The following SYT6 variants were observed in gnomAD, a reference collection of about 807,000 sequenced individuals.
SYT6 encodes the protein synaptotagmin 6, also known as synaptotagmin-6.
SYT6 carries 24 observed loss-of-function variants against 38.4 expected under a neutral mutation model. The observed-to-expected ratio is 0.62, with a 90% CI of 0.45 to 0.88. SYT6 has a LOEUF of 0.88. Among genes scored for constraint, SYT6 ranks in the 40% least tolerant of loss-of-function variants. The pLI, the probability that SYT6 is intolerant of heterozygous loss-of-function variation, is 0.00. For synonymous variants in SYT6, 265 were observed against 241.9 expected (o/e 1.10, Z -0.89); for missense variants, 611 against 621.0 (o/e 0.98, Z 0.17).
At chr1:114,102,470 C>T (rs945608919) in intron 4 of SYT6, among the ~76,000 whole-genome samples, 1 of 152,188 alleles carries the variant, frequency 6.6e-6, no homozygotes, top group Non-Finnish European at 1.5e-5. Context: ...TACACCTGAG[C>T]CCAGGTGTTT....
At chr1:114,152,757 G>C (rs1040911858) in intron 1 of SYT6, 7 of 152,144 alleles carry the variant, frequency 4.6e-5, no homozygotes, top group African/African-American at 9.7e-5. Flanking sequence ...GATCGGGCTC[G>C]GGACTCACCC....
intron 3 of SYT6, among the ~76,000 whole-genome samples, chr1:114,119,643 A>G (rs1571857258): frequency 6.6e-6 from 1 of 152,230 alleles, no homozygotes; most frequent in Non-Finnish European, 1.5e-5. Flanking sequence ...CCCAGGGTCT[A>G]CCTCAGCCAC....
intron 4 of SYT6, among the ~76,000 whole-genome samples, chr1:114,099,758 G>C (rs934923036): frequency 6.6e-6 from 1 of 152,186 alleles, no homozygotes; most frequent in African/African-American, 2.4e-5. Flanking sequence ...AATGGCCAGG[G>C]AGACACAATG....
chr1:114,115,118 C>T (rs1676918025), intron 3 of SYT6, among the ~76,000 whole-genome samples: 1 of 152,194 alleles, frequency 6.6e-6, no homozygotes, highest in Non-Finnish European at 1.5e-5. Context: ...GTGTTCCTGA[C>T]CAATAAGATC....
rs1675298893 is a variant in SYT6 at position 114,091,498 on chromosome 1, G to A, written c.*636C>T. On this transcript the variant is annotated 3_prime_UTR_variant, in exon 8 of 8. Transcript: ENST00000610222. ...GACTGAGGGTCCCAGCGTGGTTTAT[G>A]TCCTGCCAGCGAAGAGCTTCAAAGA... The A allele has an allele frequency of 6.6e-6, 1 of 152,476 alleles. No individual in the cohort carries two copies. Among genetic ancestry groups the A allele is most frequent in the African/African-American group, 2.4e-5 (1 of 41,448 alleles). 9.4% of individuals were successfully genotyped at this position (152,476 alleles called of 1,614,324 possible).
intron 3 of SYT6, among the ~76,000 whole-genome samples, chr1:114,106,977 A>T (rs1676362150): frequency 6.6e-6 from 1 of 152,176 alleles, no homozygotes; most frequent in South Asian, 2.1e-4. Context: ...ACATTTTAGT[A>T]AAAGAACTCT....
chr1:114,140,616 G>T (rs1412289239), intron 1 of SYT6, among the ~76,000 whole-genome samples: 1 of 152,152 alleles, frequency 6.6e-6, no homozygotes, highest in Non-Finnish European at 1.5e-5. Flanking sequence ...TCTGTGCATA[G>T]TAGGCTCAAT....
At chr1:114,145,469 T>C (rs1679105817) in intron 1 of SYT6, among the ~76,000 whole-genome samples, 1 of 151,204 alleles carries the variant, frequency 6.6e-6, no homozygotes, top group African/African-American at 2.4e-5. Context: ...GTATGTAACT[T>C]GGGAACAAAA....
Position 114,099,210 on chromosome 1 carries a change from TTTC to T in SYT6, c.1245_1247del (p.Lys416del). ...TGAGAGTGTTTTTCTTTATGGTTGT[TTTC>T]TTCTTCTTCAGCCTCCGCCCATCAC... On this transcript the variant is annotated inframe_deletion, in exon 5 of 8. Coordinates refer to ENST00000610222, the MANE Select transcript of SYT6 (RefSeq NM_001253772.2). The T allele has an allele frequency of 6.2e-7, 1 of 1,614,134 alleles. No individual in the cohort carries two copies. Among genetic ancestry groups the T allele is most frequent in the Non-Finnish European group, 8.5e-7 (1 of 1,179,994 alleles).
chr1:114,139,181 T>C (rs1678693476), intron 2 of SYT6, among the ~76,000 whole-genome samples: 1 of 152,230 alleles, frequency 6.6e-6, no homozygotes, highest in South Asian at 2.1e-4. Context: ...TCTCAAACTA[T>C]TAAGATTCCC....
rs900619895 is a variant in SYT6, at chr1:114,090,869, A to G, written c.*1265T>C. The G allele has an allele frequency of 6.5e-6, 1 of 152,824 alleles. No individual in the cohort carries two copies. Among genetic ancestry groups the G allele is most frequent in the African/African-American group, 2.4e-5 (1 of 41,466 alleles). 9.5% of individuals were successfully genotyped at this position (152,824 alleles called of 1,614,324 possible). On this transcript the variant is annotated 3_prime_UTR_variant, in exon 8 of 8. Coordinates refer to ENST00000610222, the MANE Select transcript of SYT6 (RefSeq NM_001253772.2). ...TTTTTTCCTAAACTGAGTTTGGCCT[A>G]AGGTAAAGATCTAAAGGAAACAAGA...
intron 1 of SYT6, among the ~76,000 whole-genome samples, chr1:114,144,204 T>G (rs1679038762): frequency 1.3e-5 from 2 of 152,248 alleles, no homozygotes; most frequent in Admixed American, 6.5e-5. Flanking sequence ...TGACTCTCTT[T>G]GTAAGGATAT....
At chr1:114,092,226 A>C (rs1414422051) in intron 7 of SYT6, 144 bp from the exon 8 acceptor site, 3 of 748,958 alleles carry the variant, frequency 4.0e-6, no homozygotes, top group East Asian at 2.7e-5. Context: ...CCATGCAAAA[A>C]CATAAGGGAA....
At chr1:114,103,514 C>A in intron 4 of SYT6, 87 bp downstream of exon 4, 1 of 1,550,416 alleles carries the variant, frequency 6.4e-7, no homozygotes, top group Non-Finnish European at 8.8e-7. Flanking sequence ...TCTAAGAATG[C>A]TGACAATTCT....
chr1:114,118,284 T>C (rs1677124204), intron 3 of SYT6, among the ~76,000 whole-genome samples: 1 of 152,228 alleles, frequency 6.6e-6, no homozygotes, highest in African/African-American at 2.4e-5. Context: ...GGCCGCATGT[T>C]CTGCCAGAGC....
intron 6 of SYT6, among the ~76,000 whole-genome samples, chr1:114,095,419 C>T (rs1395089668): frequency 2.0e-5 from 3 of 152,212 alleles, no homozygotes; most frequent in South Asian, 2.1e-4. Flanking sequence ...TGGTACTCAA[C>T]ACCCCACCCC....
intron 4 of SYT6, among the ~76,000 whole-genome samples, chr1:114,099,591 G>A (rs1476713704): frequency 5.9e-5 from 9 of 152,176 alleles, no homozygotes; most frequent in Non-Finnish European, 8.8e-5. Flanking sequence ...ATCTCAGCTC[G>A]TCAATCCCTG....
chr1:114,103,804 C>G, intron 3 of SYT6, 83 bp from the exon 4 acceptor site: 2 of 1,525,766 alleles, frequency 1.3e-6, no homozygotes, highest in Non-Finnish European at 1.8e-6. Flanking sequence ...CTGGGGCGCT[C>G]TGGGGTCAGG....
At chr1:114,093,386 G>A (rs1675435669) in intron 7 of SYT6, among the ~76,000 whole-genome samples, 2 of 152,200 alleles carry the variant, frequency 1.3e-5, no homozygotes, top group South Asian at 4.1e-4. Flanking sequence ...CCCTGTTCAG[G>A]CCAGCTGAAG....
Sources: gnomAD v4.1 joint callset for allele counts (sites outside exome capture counted in the v4.1 genomes callset) on GRCh38, gnomAD v4.1.1 for gene constraint, MANE v1.5 for transcripts, NCBI Gene and HGNC (gene_info 2026-07-23, HGNC 2026-07-21) for gene names.